The following ARPC5 variants were observed in gnomAD, a reference collection of about 807,000 sequenced individuals.
ARPC5 encodes actin-related protein 2/3 complex subunit 5.
ARPC5 carries 5 observed loss-of-function variants against 15.4 expected under a neutral mutation model. The observed-to-expected ratio is 0.32, with a 90% confidence interval of 0.17 to 0.68. The LOEUF is 0.68. Ranked by LOEUF, ARPC5 falls within the 30% of genes least tolerant of loss-of-function variation. ARPC5 has a pLI of 0.71. For missense variants in ARPC5, 138 were observed against 192.8 expected, an observed-to-expected ratio of 0.72 and a Z score of 1.68; for synonymous variants, 85 against 72.2, an observed-to-expected ratio of 1.18 and a Z score of -0.90.
intron 1 of ARPC5, among the ~76,000 whole-genome samples, chr1:183,634,598 A>G (rs1376368324): frequency 6.6e-6 from 1 of 152,262 alleles, no homozygotes; most frequent in African/African-American, 2.4e-5. Context: ...AAAGTTATGA[A>G]TATTCAAATA....
At chr1:183,630,435 A>G in intron 3 of ARPC5, 26 bp downstream of exon 3, 7 of 1,552,436 alleles carry the variant, frequency 4.5e-6, no homozygotes, top group Non-Finnish European at 6.1e-6. Flanking sequence ...AGAACCAGTC[A>G]TATAGATTTA....
Position 183,627,538 on chromosome 1 carries a change from A to G in ARPC5, c.450T>C (p.Thr150=), listed in dbSNP as rs1649141728. The G allele has an allele frequency of 1.9e-6, 3 of 1,614,016 alleles. No homozygotes were observed. The highest frequency in any genetic ancestry group is 1.7e-5 in the Admixed American group (1 of 60,024). The change falls in exon 4 of 4, where the codon ACT becomes ACC. Residue 150 remains threonine (T), a synonymous_variant. Transcript: ENST00000359856. The part of the protein sequence containing the change: ...SIVRVLTARK[T]V Reference sequence around the variant, plus strand: ...TAATCCACTTCCTGCCAGACTACACAGTTTTTCTTGCAGTCAAGACACGAA... The same window carrying G: ...TAATCCACTTCCTGCCAGACTACACGGTTTTTCTTGCAGTCAAGACACGAA...
At chr1:183,630,379 G>T (rs1649226719) in intron 3 of ARPC5, 82 bp downstream of exon 3, 3 of 1,118,368 alleles carry the variant, frequency 2.7e-6, no homozygotes, top group Non-Finnish European at 3.7e-6. Context: ...AAATCAAAAT[G>T]GTTATTTAGG....
rs2761574 is a variant in ARPC5, at chr1:183,625,902, G to A, written c.*1630C>T. ...AGAAAGAGAATTTTGGAGGCTGGGA[G>A]TGAATGACTGCAGCTGCTAAGCTAC... On this transcript the variant is annotated 3_prime_UTR_variant, in exon 4 of 4. Coordinates refer to ENST00000359856, the MANE Select transcript of ARPC5 (RefSeq NM_005717.4). 60,511 of 151,984 alleles carry A rather than the reference G, an allele frequency of 0.4. 12,262 individuals carry two copies. The highest frequency in any genetic ancestry group is 0.47 in the African/African-American group (19,548 of 41,424). 9.4% of individuals were successfully genotyped at this position (151,984 alleles called of 1,614,324 possible).
chr1:183,635,372 G>A (rs950474923), intron 1 of ARPC5, 145 bp downstream of exon 1: 2 of 977,504 alleles, frequency 2.0e-6, no homozygotes, highest in African/African-American at 1.7e-5. Flanking sequence ...CTCTCAGAGC[G>A]GGCGATCCCA....
At chr1:183,635,455 G>A (rs1358443315) in intron 1 of ARPC5, 62 bp downstream of exon 1, 12 of 1,496,950 alleles carry the variant, frequency 8.0e-6, no homozygotes, top group Non-Finnish European at 1.1e-5. Context: ...AGGCTCCCGG[G>A]TCCCAGGAGA....
At position 183,627,163 on chromosome 1, in the gene ARPC5, G is replaced by C. The variant is rs1331385038; in HGVS notation, c.*369C>G. 2 of 166,182 alleles carry C rather than the reference G, an allele frequency of 1.2e-5. No individual in the cohort carries two copies. The highest frequency in any genetic ancestry group is 2.6e-5 in the Non-Finnish European group (2 of 77,038). The allele number at this position is 166,182 out of a possible 1,614,324, so 10.3% of individuals were successfully genotyped here. A position where few individuals can be genotyped will look rare whatever the true frequency, so the allele number is the denominator to read the frequency against. ...AGCTAGGAAACTGGCCTCAAATTCT[G>C]ACCAAATCTCTCAGTATTAGTTAAA... is the stretch of plus-strand genomic sequence containing the variant. On this transcript the variant is annotated 3_prime_UTR_variant, in exon 4 of 4. Coordinates refer to ENST00000359856, the MANE Select transcript of ARPC5 (RefSeq NM_005717.4).
At position 183,625,142 on chromosome 1, in the gene ARPC5, T is replaced by G. The variant is rs1649056666; in HGVS notation, c.*2390A>C. ...AGGAGAATGGGAGGTAAACAACTAC[T>G]TTTGTGCTAAAAGTGTCCTATGGCA... On this transcript the variant is annotated 3_prime_UTR_variant, in exon 4 of 4. Coordinates refer to ENST00000359856, the MANE Select transcript of ARPC5 (RefSeq NM_005717.4). 6.6e-6 allele frequency: 1 copy of G among 152,190 alleles called. No individual in the cohort carries two copies. The highest frequency in any genetic ancestry group is 1.5e-5 in the Non-Finnish European group (1 of 68,040). 9.4% of individuals were successfully genotyped at this position (152,190 alleles called of 1,614,324 possible). A position where few individuals can be genotyped will look rare whatever the true frequency, so the allele number is the denominator to read the frequency against.
intron 1 of ARPC5, among the ~76,000 whole-genome samples, 169 bp downstream of exon 1, chr1:183,635,348 G>T (rs1649442042): frequency 6.6e-6 from 1 of 152,216 alleles, no homozygotes; most frequent in Admixed American, 6.5e-5. Context: ...GGAAACGGGG[G>T]CTTCCCCCTT....
At chr1:183,627,684 G>A (rs1325737509) in intron 3 of ARPC5, 90 bp from the exon 4 acceptor site, 8 of 1,001,104 alleles carry the variant, frequency 8.0e-6, no homozygotes, top group Non-Finnish European at 1.3e-5. Context: ...GAAGGAATGG[G>A]CACTGCTATA....
Position 183,621,272 on chromosome 1 carries a change from A to G in ARPC5, c.*6260T>C, listed in dbSNP as rs1648927232. On this transcript the variant is annotated 3_prime_UTR_variant, in exon 4 of 4. Coordinates refer to ENST00000359856, the MANE Select transcript of ARPC5 (RefSeq NM_005717.4). The stretch of plus-strand genomic sequence containing the variant: ...TGCCCTCCAACTGACCTTAACTTTC[A>G]CTTTTAGGAATTGATCTACAAATAG... The G allele has an allele frequency of 6.6e-6, 1 of 152,218 alleles. No individual in the cohort carries two copies. Among genetic ancestry groups the G allele is most frequent in the Non-Finnish European group, 1.5e-5 (1 of 68,034 alleles). 9.4% of individuals were successfully genotyped at this position (152,218 alleles called of 1,614,324 possible).
At chr1:183,633,718 T>C (rs1386298338) in intron 1 of ARPC5, 1 of 152,108 alleles carries the variant, frequency 6.6e-6, no homozygotes, top group Admixed American at 6.5e-5. Context: ...ATATGTCCCT[T>C]AGGTGGCAGC....
intron 1 of ARPC5, 128 bp from the exon 2 acceptor site, chr1:183,633,282 T>C (rs1429758796): frequency 3.3e-6 from 2 of 603,148 alleles, no homozygotes; most frequent in Non-Finnish European, 5.6e-6. Flanking sequence ...TACTGGAAAT[T>C]CAATGTGTTG....
At position 183,635,545 on chromosome 1, in the gene ARPC5, C is replaced by T; in HGVS notation, c.115G>A (p.Glu39Lys). The change falls in exon 1 of 4, where the codon GAG becomes AAG. Residue 39 changes from glutamate (E) to lysine (K), a missense_variant. Glu to Lys is a moderately conservative substitution (Grantham distance 56). Transcript: ENST00000359856. ...CGCAGGCAGGAGTCCACCTCGCCCT[C>T]GTCGGGCCCGGCCTGGCCGTCGCCC... ...DGGDGQAGPD[E>K]GEVDSCLRQG... 1 of 1,612,922 alleles carries T rather than the reference C, an allele frequency of 6.2e-7. No individual in the cohort carries two copies. Among genetic ancestry groups the T allele is most frequent in the Non-Finnish European group, 8.5e-7 (1 of 1,179,668 alleles).
chr1:183,635,731 C>A lies in ARPC5; in HGVS notation c.-72G>T. 1 of 1,548,652 alleles carries A rather than the reference C, an allele frequency of 6.5e-7. No individual in the cohort carries two copies. Among genetic ancestry groups the A allele is most frequent in the Non-Finnish European group, 8.7e-7 (1 of 1,145,936 alleles). ...CCTCAGCAAGCCCAGCCCAGCAACC[C>A]ACTACCCGGCGCCTGATTCACTTCC... On this transcript the variant is annotated 5_prime_UTR_variant, in exon 1 of 4. Coordinates refer to ENST00000359856, the MANE Select transcript of ARPC5 (RefSeq NM_005717.4).
At chr1:183,630,706 T>C in intron 2 of ARPC5, 69 bp from the exon 3 acceptor site, 1 of 1,433,412 alleles carries the variant, frequency 7.0e-7, no homozygotes, top group Non-Finnish European at 9.5e-7. Flanking sequence ...TTTCAGAAAG[T>C]CTACACTATG....
Position 183,624,032 on chromosome 1 carries a change from AAATT to A in ARPC5, c.*3496_*3499del, listed in dbSNP as rs201780238. On this transcript the variant is annotated 3_prime_UTR_variant, in exon 4 of 4. Coordinates refer to ENST00000359856, the MANE Select transcript of ARPC5 (RefSeq NM_005717.4). ...AGCAAGACTCCATCTCAAAAAAAAAAAATTAATTAATTAATTTTCTTTTTTACCT... is the reference window on the plus strand; with the variant it reads ...AGCAAGACTCCATCTCAAAAAAAAAAAATTAATTAATTTTCTTTTTTACCT... 1,178 of 154,290 alleles carry A rather than the reference AAATT, an allele frequency of 7.6e-3. 9 individuals carry two copies. Among genetic ancestry groups the A allele is most frequent in the East Asian group, 0.02 (106 of 5,352 alleles). The allele number at this position is 154,290 out of a possible 1,614,324, so 9.6% of individuals were successfully genotyped here. A position where few individuals can be genotyped will look rare whatever the true frequency, so the allele number is the denominator to read the frequency against.
chr1:183,631,961 T>G (rs1019398341), intron 2 of ARPC5: 6 of 152,228 alleles, frequency 3.9e-5, no homozygotes, highest in African/African-American at 1.4e-4. Flanking sequence ...TTCTACCACC[T>G]ACTGTTATCT....
At chr1:183,633,047 C>T (rs1036850610) in intron 2 of ARPC5, 35 bp downstream of exon 2, 7 of 1,465,478 alleles carry the variant, frequency 4.8e-6, no homozygotes, top group Middle Eastern at 1.7e-4. Flanking sequence ...AATAAGATAT[C>T]AGCAGAGATC....
Sources: gnomAD v4.1 joint callset for allele counts (sites outside exome capture counted in the v4.1 genomes callset) on GRCh38, gnomAD v4.1.1 for gene constraint, MANE v1.5 for transcripts, NCBI Gene and HGNC (gene_info 2026-07-23, HGNC 2026-07-21) for gene names.